Variants in NDUFAF5 observed in about 807,000 individuals in gnomAD.
The protein encoded by NDUFAF5 is NADH:ubiquinone oxidoreductase complex assembly factor 5.
In NDUFAF5, 34 loss-of-function variants were observed where a neutral mutation model predicts 48.9. The observed-to-expected ratio is 0.70, with a 90% CI of 0.53 to 0.93. The LOEUF is 0.93. Among genes scored for constraint, NDUFAF5 ranks in the 40% least tolerant of loss-of-function variants. The pLI, the probability that NDUFAF5 is intolerant of heterozygous loss-of-function variation, is 0.00. For synonymous variants in NDUFAF5, 153 were observed against 150.6 expected (o/e 1.02, Z -0.12); for missense variants, 428 against 427.5 (o/e 1.00, Z -0.01).
chr20:13,808,555 A>T, intron 7 of NDUFAF5, among the ~76,000 whole-genome samples: 1 of 152,156 alleles, frequency 6.6e-6, no homozygotes, highest in Non-Finnish European at 1.5e-5. Context: ...AGGAGAGGGC[A>T]ATGGTTTGTA....
chr20:13,807,379 C>T (rs1220226225), intron 7 of NDUFAF5, among the ~76,000 whole-genome samples: 2 of 152,070 alleles, frequency 1.3e-5, no homozygotes, highest in East Asian at 1.9e-4. Context: ...GGTCCCTTTC[C>T]CCAAAGATTT....
chr20:13,803,481 T>A (rs1270786711), intron 7 of NDUFAF5: 1 of 152,256 alleles, frequency 6.6e-6, no homozygotes, highest in Non-Finnish European at 1.5e-5. Context: ...TATATTTTGG[T>A]TGTAACTATT....
chr20:13,794,899 C>T lies in NDUFAF5; in HGVS notation c.437C>T (p.Pro146Leu). ...GTTTTAGCTGATGAAGAATTCCTTC[C>T]CTTCAAAGAAAATACATTTGACCTG... is the stretch of plus-strand genomic sequence containing the variant. ...VSVLADEEFL[P>L]FKENTFDLVV... Residue 146 changes from proline to leucine, a missense_variant, in exon 5 of 11, where the codon CCC becomes CTC. By Grantham distance (98) the Pro-to-Leu change is moderately conservative. Transcript: ENST00000378106. 6.2e-7 allele frequency: 1 copy of T among 1,613,568 alleles called. No homozygotes were observed. Among genetic ancestry groups the T allele is most frequent in the Non-Finnish European group, 8.5e-7 (1 of 1,179,518 alleles).
intron 3 of NDUFAF5, among the ~76,000 whole-genome samples, chr20:13,790,659 A>G (rs140825379): frequency 2.0e-5 from 3 of 152,114 alleles, no homozygotes; most frequent in African/African-American, 7.2e-5. Flanking sequence ...CCAGAGTCCT[A>G]ATCTATAAGA....
chr20:13,816,814 T>C, intron 9 of NDUFAF5, 61 bp from the exon 10 acceptor site: 1 of 1,087,410 alleles, frequency 9.2e-7, no homozygotes, highest in South Asian at 1.2e-5. Context: ...ATGACCTTTA[T>C]TGAGCAGAAA....
intron 8 of NDUFAF5, 29 bp downstream of exon 8, chr20:13,808,931 C>T (rs376969955): frequency 1.3e-6 from 2 of 1,489,446 alleles, no homozygotes; most frequent in African/African-American, 1.4e-5. Flanking sequence ...TTTTTAGACT[C>T]CATTGGGAAA....
chr20:13,806,706 C>G (rs1283950183), intron 7 of NDUFAF5, among the ~76,000 whole-genome samples: 1 of 152,090 alleles, frequency 6.6e-6, no homozygotes, highest in African/African-American at 2.4e-5. Context: ...TGTTTTTAAT[C>G]TTAGGATCTC....
At chr20:13,809,856 G>A (rs1190294128) in intron 8 of NDUFAF5, among the ~76,000 whole-genome samples, 1 of 152,196 alleles carries the variant, frequency 6.6e-6, no homozygotes, top group East Asian at 1.9e-4. Context: ...CCTGCTGGTG[G>A]ATTGGCTGTG....
chr20:13,815,460 A>G (rs945426019), intron 8 of NDUFAF5, among the ~76,000 whole-genome samples: 10 of 152,214 alleles, frequency 6.6e-5, no homozygotes, highest in Non-Finnish European at 1.2e-4. Flanking sequence ...ACAGGATTTT[A>G]GTAGCAGAGA....
intron 6 of NDUFAF5, among the ~76,000 whole-genome samples, chr20:13,800,853 G>A (rs898121619): frequency 6.6e-6 from 1 of 152,146 alleles, no homozygotes; most frequent in East Asian, 1.9e-4. Context: ...GGTTTGGAGG[G>A]CCTCGGTGCA....
rs1230592199 is a variant in NDUFAF5, at chr20:13,820,535, A to G, written c.*3325A>G. ...GTGATGAAACCCTGTCTCTACAAAT[A>G]AAAAAAAAATTAGCCAGGCATGGTG... On this transcript the variant is annotated 3_prime_UTR_variant, in exon 11 of 11. Coordinates refer to ENST00000378106, the MANE Select transcript of NDUFAF5 (RefSeq NM_024120.5). The G allele has an allele frequency of 6.7e-6, 1 of 149,294 alleles. No homozygotes were observed. The highest frequency in any genetic ancestry group is 1.5e-5 in the Non-Finnish European group (1 of 67,174). 9.2% of individuals were successfully genotyped at this position (149,294 alleles called of 1,614,324 possible). A position where few individuals can be genotyped will look rare whatever the true frequency, so the allele number is the denominator to read the frequency against.
rs754470952 is a variant in NDUFAF5, at chr20:13,801,559, G to A, written c.593G>A (p.Arg198Gln). The A allele has an allele frequency of 8.1e-6, 13 of 1,613,644 alleles. No homozygotes were observed. The highest frequency in any genetic ancestry group is 6.7e-5 in the East Asian group (3 of 44,868). Residue 198 changes from arginine to glutamine, a missense_variant, in exon 7 of 11, where the codon CGG (arginine) becomes CAG (glutamine). Coordinates refer to ENST00000378106, the MANE Select transcript of NDUFAF5 (RefSeq NM_024120.5). ...MFGGDTLYEL[R>Q]CSLQLAETER... ...GGAGGCGACACACTCTATGAACTTC[G>A]GTGTTCCTTACAGTTAGCGGAAACG...
intron 4 of NDUFAF5, among the ~76,000 whole-genome samples, chr20:13,793,789 A>G (rs1301077513): frequency 1.3e-5 from 2 of 152,212 alleles, no homozygotes; most frequent in Non-Finnish European, 2.9e-5. Flanking sequence ...ATGTTCATTT[A>G]AAAATTTTTT....
Position 13,785,096 on chromosome 20 carries a change from T to C in NDUFAF5, c.28T>C (p.Leu10=). The C allele has an allele frequency of 6.2e-7, 1 of 1,613,200 alleles. No individual in the cohort carries two copies. Among genetic ancestry groups the C allele is most frequent in the African/African-American group, 1.3e-5 (1 of 75,052 alleles). Residue 10 remains leucine, a synonymous_variant, in exon 1 of 11, where the codon TTA becomes CTA. Coordinates refer to ENST00000378106, the MANE Select transcript of NDUFAF5 (RefSeq NM_024120.5). MLRPAGLWR[L]CRRPWAARVP... is the part of the protein sequence containing the mutation. ...GCTGCGGCCGGCAGGGCTCTGGCGC[T>C]TATGTCGGCGACCTTGGGCGGCGAG...
intron 7 of NDUFAF5, among the ~76,000 whole-genome samples, chr20:13,802,309 C>G (rs1984286648): frequency 6.6e-6 from 1 of 152,072 alleles, no homozygotes; most frequent in Non-Finnish European, 1.5e-5. Flanking sequence ...GGATCCTTAC[C>G]CTATTTCTTT....
At chr20:13,799,709 A>AAAAG (rs11474460) in intron 6 of NDUFAF5, among the ~76,000 whole-genome samples, 58,562 of 148,374 alleles carry the variant, frequency 0.39, 11,849 homozygotes, top group East Asian at 0.54. Context: ...AAAAAAAAAA[A>AAAAG]AAAGAAAGAA....
chr20:13,785,790 A>T (rs140073987), intron 1 of NDUFAF5, among the ~76,000 whole-genome samples: 4,435 of 152,340 alleles, frequency 0.029, 86 homozygotes, highest in Middle Eastern at 0.058. Context: ...AAGAGCTTTT[A>T]TATTGATTAC....
chr20:13,793,252 G>T, intron 4 of NDUFAF5, 25 bp downstream of exon 4: 1 of 1,571,702 alleles, frequency 6.4e-7, no homozygotes, highest in Non-Finnish European at 8.8e-7. Flanking sequence ...AATACTGTTG[G>T]TTTCTAATCT....
In NDUFAF5 at chr20:13,785,073, T is replaced by G. The variant is rs1396426892; in HGVS notation, c.5T>G (p.Leu2Arg). The change falls in exon 1 of 11, where the codon CTG becomes CGG. Residue 2 changes from leucine (L) to arginine (R), a missense_variant. Transcript: ENST00000378106. M[L>R]RPAGLWRLCR... is the part of the protein sequence containing the mutation. Reference sequence around the variant, plus strand: ...CAATTGGGGTCGCAGCTGGAGATGCTGCGGCCGGCAGGGCTCTGGCGCTTA... The same window carrying G: ...CAATTGGGGTCGCAGCTGGAGATGCGGCGGCCGGCAGGGCTCTGGCGCTTA... 1 of 1,611,258 alleles carries G rather than the reference T, an allele frequency of 6.2e-7. No individual in the cohort carries two copies.
Sources: gnomAD v4.1 joint callset for allele counts (sites outside exome capture counted in the v4.1 genomes callset) on GRCh38, gnomAD v4.1.1 for gene constraint, MANE v1.5 for transcripts, NCBI Gene and HGNC (gene_info 2026-07-23, HGNC 2026-07-21) for gene names.